Variants in SPOCK3 observed in about 807,000 individuals in gnomAD.
SPOCK3 encodes the protein SPARC (osteonectin), cwcv and kazal like domains proteoglycan 3.
A neutral mutation model predicts 56.6 loss-of-function variants in SPOCK3; 30 were observed. The ratio of observed to expected loss-of-function variants is 0.53; its 90% CI spans 0.40 to 0.72. The LOEUF (loss-of-function observed/expected upper bound fraction) is 0.72, where lower values mean the gene tolerates loss of function less well. SPOCK3 is among the 30% of genes least tolerant of loss of function. The pLI is 0.00. For missense variants in SPOCK3, 527 were observed against 530.0 expected (o/e 0.99, Z 0.06); for synonymous variants, 196 against 183.3 (o/e 1.07, Z -0.56).
chr4:167,105,475 A>C (rs1010690724), intron 2 of SPOCK3, among the ~76,000 whole-genome samples: 11 of 150,622 alleles, frequency 7.3e-5, no homozygotes, highest in African/African-American at 2.7e-4. Flanking sequence ...AAAAAAAAAA[A>C]AAAAACGAAT....
At chr4:166,752,254 C>T (rs1252431819) in intron 8 of SPOCK3, among the ~76,000 whole-genome samples, 1 of 152,024 alleles carries the variant, frequency 6.6e-6, no homozygotes, top group East Asian at 1.9e-4. Context: ...GACTCCTGAG[C>T]TTAAGCAATC....
At chr4:166,920,908 A>C (rs1394789465) in intron 4 of SPOCK3, among the ~76,000 whole-genome samples, 2 of 152,230 alleles carry the variant, frequency 1.3e-5, no homozygotes, top group Non-Finnish European at 2.9e-5. Context: ...TAACAATTAA[A>C]TGCTGCATTT....
intron 6 of SPOCK3, among the ~76,000 whole-genome samples, chr4:166,836,649 A>T (rs998501457): frequency 8.6e-5 from 13 of 152,034 alleles, no homozygotes; most frequent in African/African-American, 3.1e-4. Context: ...TTTTTGCCTC[A>T]TCTAGTGCCC....
At chr4:166,914,129 A>G (rs1366148085) in intron 4 of SPOCK3, among the ~76,000 whole-genome samples, 1 of 152,166 alleles carries the variant, frequency 6.6e-6, no homozygotes, top group Non-Finnish European at 1.5e-5. Flanking sequence ...AAGACATGAA[A>G]TTACGCAACA....
At chr4:167,149,485 T>TA (rs549062448) in intron 2 of SPOCK3, among the ~76,000 whole-genome samples, 44 of 152,134 alleles carry the variant, frequency 2.9e-4, no homozygotes, top group Admixed American at 9.2e-4. Flanking sequence ...TATAAACTGA[T>TA]ATACCCTGGG....
At chr4:167,069,386 A>C (rs1385600872) in intron 2 of SPOCK3, among the ~76,000 whole-genome samples, 2 of 151,932 alleles carry the variant, frequency 1.3e-5, no homozygotes, top group African/African-American at 4.8e-5. Flanking sequence ...AACTGACTCA[A>C]AACTCAGCAT....
intron 8 of SPOCK3, among the ~76,000 whole-genome samples, chr4:166,745,845 T>C (rs1265512063): frequency 6.6e-6 from 1 of 152,114 alleles, no homozygotes; most frequent in Non-Finnish European, 1.5e-5. Flanking sequence ...TCCTAGTCTC[T>C]GATAAAACAG....
chr4:167,228,085 G>A (rs1213467517), intron 2 of SPOCK3, among the ~76,000 whole-genome samples: 8 of 152,034 alleles, frequency 5.3e-5, no homozygotes, highest in Admixed American at 5.2e-4. Context: ...TAACATTTTG[G>A]GGGTGGCTAG....
chr4:166,873,432 A>G (rs1417006054), intron 6 of SPOCK3, among the ~76,000 whole-genome samples: 1 of 152,136 alleles, frequency 6.6e-6, no homozygotes, highest in African/African-American at 2.4e-5. Context: ...TAGCTTCATC[A>G]ATTGCAGCAA....
chr4:166,742,477 C>T (rs991718220), intron 8 of SPOCK3, among the ~76,000 whole-genome samples: 2 of 152,082 alleles, frequency 1.3e-5, no homozygotes, highest in South Asian at 4.1e-4. Flanking sequence ...TTGACTGCTG[C>T]TGAAGCAATT....
intron 3 of SPOCK3, among the ~76,000 whole-genome samples, chr4:167,004,073 C>T (rs894561601): frequency 2.6e-5 from 4 of 152,086 alleles, no homozygotes; most frequent in Admixed American, 2.0e-4. Context: ...GGACAGATAT[C>T]GTACAAGAAT....
intron 4 of SPOCK3, among the ~76,000 whole-genome samples, chr4:166,951,184 G>A (rs1474177850): frequency 7.0e-6 from 1 of 143,530 alleles, no homozygotes; most frequent in East Asian, 2.0e-4. Flanking sequence ...TTGATAGACT[G>A]CTAGCAAGAC....
In SPOCK3 at chr4:166,895,385, G is replaced by A. The variant is rs544176179; in HGVS notation, c.475-6141C>T. On this transcript the variant is annotated intron_variant, in intron 5 of 10. Transcript: ENST00000357545. ...CATTTCAGAAGAAATTAACTATACA[G>A]ATATAAATGAGAGTCAATTTTTTAA... 8.2e-4 allele frequency among the ~76,000 whole-genome samples: 125 copies of A among 152,090 alleles called. 1 individual carries two copies. The highest frequency in any genetic ancestry group is 2.7e-3 in the African/African-American group (114 of 41,536).
chr4:167,198,583 T>C (rs1452273630), intron 2 of SPOCK3, among the ~76,000 whole-genome samples: 1 of 152,192 alleles, frequency 6.6e-6, no homozygotes, highest in Non-Finnish European at 1.5e-5. Context: ...ATATTGCTCA[T>C]AATAATTTAA....
At chr4:166,977,060 T>C (rs192128797) in intron 4 of SPOCK3, among the ~76,000 whole-genome samples, 1 of 152,108 alleles carries the variant, frequency 6.6e-6, no homozygotes, top group South Asian at 2.1e-4. Context: ...AACTTGTATT[T>C]GAAACTTTTA....
intron 7 of SPOCK3, among the ~76,000 whole-genome samples, chr4:166,775,567 AT>A (rs1164400778): frequency 4.6e-5 from 7 of 152,342 alleles, no homozygotes; most frequent in Admixed American, 3.3e-4. Context: ...GATCATCTGT[AT>A]ATGGCTGATT....
At chr4:167,146,181 CT>C (rs1340158533) in intron 2 of SPOCK3, among the ~76,000 whole-genome samples, 4 of 152,058 alleles carry the variant, frequency 2.6e-5, no homozygotes, top group African/African-American at 9.7e-5. Flanking sequence ...ATAAAACAGA[CT>C]TTAAACCAGC....
intron 2 of SPOCK3, among the ~76,000 whole-genome samples, chr4:167,120,621 AT>A (rs1176075709): frequency 6.6e-6 from 1 of 151,966 alleles, no homozygotes; most frequent in Non-Finnish European, 1.5e-5. Flanking sequence ...AATGAAGAGG[AT>A]TTTTTTGTTT....
At chr4:166,810,463 TATAG>T (rs1743655216) in intron 6 of SPOCK3, among the ~76,000 whole-genome samples, 1 of 152,074 alleles carries the variant, frequency 6.6e-6, no homozygotes, top group Non-Finnish European at 1.5e-5. Context: ...TATATGTTTT[TATAG>T]ATATTTATTT....
Sources: allele counts gnomAD v4.1 joint callset (sites outside exome capture counted in the v4.1 genomes callset), GRCh38; gene constraint gnomAD v4.1.1; transcripts MANE v1.5; gene names NCBI Gene and HGNC (gene_info 2026-07-23, HGNC 2026-07-21).